SLC22A24: variants seen among roughly 807,000 people sequenced by gnomAD.
SLC22A24 encodes the protein steroid transmembrane transporter SLC22A24.
SLC22A24 carries 53 observed loss-of-function variants against 49.8 expected under a neutral mutation model. The observed-to-expected ratio is 1.06, with a 90% confidence interval of 0.85 to 1.34. SLC22A24 has a LOEUF of 1.34. Among genes scored for constraint, SLC22A24 ranks in the 40% most tolerant of loss-of-function variants. The pLI, the probability that SLC22A24 is intolerant of heterozygous loss-of-function variation, is 0.00. For synonymous variants in SLC22A24, 302 were observed against 256.4 expected (o/e 1.18, Z -1.70); for missense variants, 786 against 675.9 (o/e 1.16, Z -1.81).
chr11:63,132,615 CTGCAGAACAGCAAATAT>C (rs1028449832), intron 2 of SLC22A24, among the ~76,000 whole-genome samples: 29 of 152,332 alleles, frequency 1.9e-4, no homozygotes, highest in African/African-American at 5.5e-4. Context: ...CTAGCAGAAG[CTGCAGAACAGCAAATAT>C]TGCAGAACAG....
chr11:63,080,772 A>G, intron 9 of SLC22A24, 148 bp downstream of exon 9: 1 of 662,080 alleles, frequency 1.5e-6, no homozygotes, highest in Non-Finnish European at 2.6e-6. Context: ...CTGCTACTGA[A>G]CTAAAGGACA....
At chr11:63,112,290 T>C (rs904034374) in intron 4 of SLC22A24, among the ~76,000 whole-genome samples, 1 of 152,200 alleles carries the variant, frequency 6.6e-6, no homozygotes, top group African/African-American at 2.4e-5. Context: ...AATTTTGGAA[T>C]AAGTGTGGTG....
chr11:63,093,082 GA>G (rs2134642307), intron 6 of SLC22A24, among the ~76,000 whole-genome samples: 1 of 152,072 alleles, frequency 6.6e-6, no homozygotes, highest in East Asian at 1.9e-4. Context: ...CAACAAACAT[GA>G]AAAAAAGCTC....
chr11:63,080,714 G>T (rs148836630), intron 9 of SLC22A24, among the ~76,000 whole-genome samples: 1 of 152,320 alleles, frequency 6.6e-6, no homozygotes, highest in Non-Finnish European at 1.5e-5. Context: ...AATGGTCTGT[G>T]TGACATAGAG....
At chr11:63,107,340 T>C (rs1035295781) in intron 4 of SLC22A24, among the ~76,000 whole-genome samples, 4 of 152,210 alleles carry the variant, frequency 2.6e-5, no homozygotes, top group Admixed American at 1.3e-4. Flanking sequence ...TGTAGCCTTG[T>C]AGTGTAGTTT....
chr11:63,115,904 G>C, intron 4 of SLC22A24: 1 of 293,836 alleles, frequency 3.4e-6, no homozygotes, highest in Non-Finnish European at 6.5e-6. Context: ...TAGGGGCTTG[G>C]GCACCTTTGG....
intron 6 of SLC22A24, among the ~76,000 whole-genome samples, chr11:63,086,808 C>A (rs929223507): frequency 6.6e-6 from 1 of 151,986 alleles, no homozygotes; most frequent in East Asian, 1.9e-4. Flanking sequence ...TATGAATATG[C>A]TAATTTGTCT....
chr11:63,120,359 C>T (rs528142296), intron 2 of SLC22A24, among the ~76,000 whole-genome samples: 209 of 149,598 alleles, frequency 1.4e-3, no homozygotes, highest in African/African-American at 4.8e-3. Flanking sequence ...TGCTAGATGA[C>T]GAGTTAGTGG....
At chr11:63,089,628 C>G (rs2087006385) in intron 6 of SLC22A24, among the ~76,000 whole-genome samples, 1 of 151,978 alleles carries the variant, frequency 6.6e-6, no homozygotes, top group Non-Finnish European at 1.5e-5. Flanking sequence ...GAATGACAAA[C>G]TGGATAAAGA....
intron 6 of SLC22A24, among the ~76,000 whole-genome samples, chr11:63,085,391 G>A (rs2086981653): frequency 6.6e-6 from 1 of 151,980 alleles, no homozygotes; most frequent in Non-Finnish European, 1.5e-5. Flanking sequence ...GGGTAATGAG[G>A]TGTTTTTAAA....
intron 1 of SLC22A24, among the ~76,000 whole-genome samples, chr11:63,142,329 TA>T (rs770995780): frequency 1.2e-3 from 177 of 152,248 alleles, no homozygotes; most frequent in Non-Finnish European, 1.9e-3. Flanking sequence ...TAAGGTGTTA[TA>T]AAACCCAAAG....
At chr11:63,108,330 T>G (rs1042975257) in intron 4 of SLC22A24, among the ~76,000 whole-genome samples, 3 of 152,144 alleles carry the variant, frequency 2.0e-5, no homozygotes, top group Admixed American at 2.0e-4. Flanking sequence ...GCTGGATTCG[T>G]TTTGCCAGTA....
At position 63,104,303 on chromosome 11, in the gene SLC22A24, T is replaced by A. The variant is rs1291846391; in HGVS notation, c.831-5A>T. ...CGAGCAGACTCCACCATCTTCCTGATGAAAGAAGACAACATAGGTATAGTA... is the reference window on the plus strand; with the variant it reads ...CGAGCAGACTCCACCATCTTCCTGAAGAAAGAAGACAACATAGGTATAGTA... On this transcript the variant is annotated splice_region_variant and splice_polypyrimidine_tract_variant and intron_variant, in intron 4 of 9. Coordinates refer to ENST00000612278, the MANE Select transcript of SLC22A24 (RefSeq NM_001136506.2). 1 of 1,547,686 alleles carries A rather than the reference T, an allele frequency of 6.5e-7. No individual in the cohort carries two copies. The highest frequency in any genetic ancestry group is 8.7e-7 in the Non-Finnish European group (1 of 1,146,220).
chr11:63,085,627 T>C (rs922914803), intron 6 of SLC22A24, among the ~76,000 whole-genome samples: 1 of 152,036 alleles, frequency 6.6e-6, no homozygotes, highest in Non-Finnish European at 1.5e-5. Flanking sequence ...AATAAAGAAA[T>C]AAAAAGCAAA....
At chr11:63,113,630 C>T (rs2087191233) in intron 4 of SLC22A24, among the ~76,000 whole-genome samples, 1 of 151,946 alleles carries the variant, frequency 6.6e-6, no homozygotes, top group Admixed American at 6.6e-5. Context: ...CCGAGGTGGG[C>T]AGATCACGAG....
chr11:63,105,089 T>A (rs747627179), intron 4 of SLC22A24, among the ~76,000 whole-genome samples: 1 of 152,260 alleles, frequency 6.6e-6, no homozygotes, highest in Non-Finnish European at 1.5e-5. Flanking sequence ...CTCCAAATGA[T>A]GTTCCTTGAT....
intron 1 of SLC22A24, among the ~76,000 whole-genome samples, chr11:63,136,245 C>T (rs531362081): frequency 5.1e-4 from 78 of 151,948 alleles, no homozygotes; most frequent in Middle Eastern, 3.4e-3. Flanking sequence ...GAAACTTGCA[C>T]GAAAAAAAGG....
chr11:63,103,261 A>G (rs771381094), intron 5 of SLC22A24, among the ~76,000 whole-genome samples: 6 of 152,102 alleles, frequency 3.9e-5, no homozygotes, highest in Non-Finnish European at 7.4e-5. Context: ...AGTTCATTTT[A>G]TCCCTGAAAT....
intron 5 of SLC22A24, among the ~76,000 whole-genome samples, chr11:63,098,616 T>G (rs2087070062): frequency 6.6e-6 from 1 of 151,942 alleles, no homozygotes; most frequent in South Asian, 2.1e-4. Context: ...TAAGCCAAGA[T>G]TACACCACTG....
Sources: allele counts gnomAD v4.1 joint callset (sites outside exome capture counted in the v4.1 genomes callset), GRCh38; gene constraint gnomAD v4.1.1; transcripts MANE v1.5; gene names NCBI Gene and HGNC (gene_info 2026-07-23, HGNC 2026-07-21).